The following MKLN1 variants were observed in gnomAD, a reference collection of about 807,000 sequenced individuals.
MKLN1 encodes the protein muskelin.
MKLN1 carries 18 observed loss-of-function variants against 99.0 expected under a neutral mutation model. The ratio of observed to expected loss-of-function variants is 0.18; its 90% confidence interval spans 0.13 to 0.27. The LOEUF (loss-of-function observed/expected upper bound fraction) is 0.27, where lower values mean the gene tolerates loss of function less well. MKLN1 is among the 10% of genes least tolerant of loss of function. The pLI, the probability that MKLN1 is intolerant of heterozygous loss-of-function variation, is 1.00. For synonymous variants in MKLN1, 288 were observed against 293.2 expected, an observed-to-expected ratio of 0.98 and a Z score of 0.18; for missense variants, 621 against 875.9, an observed-to-expected ratio of 0.71 and a Z score of 3.67.
chr7:131,127,753 GC>G (rs1197337125), intron 1 of MKLN1, among the ~76,000 whole-genome samples: 3 of 152,158 alleles, frequency 2.0e-5, no homozygotes, highest in Non-Finnish European at 4.4e-5. Flanking sequence ...TTGACTTAAA[GC>G]CCTGGTGCTC....
At chr7:131,425,703 G>A (rs1408544133) in intron 8 of MKLN1, among the ~76,000 whole-genome samples, 1 of 152,112 alleles carries the variant, frequency 6.6e-6, no homozygotes, top group Non-Finnish European at 1.5e-5. Context: ...TCCTTGAAGA[G>A]GATCGTACTA....
chr7:131,479,888 G>A (rs1474547760), intron 17 of MKLN1, among the ~76,000 whole-genome samples: 1 of 150,962 alleles, frequency 6.6e-6, no homozygotes, highest in Non-Finnish European at 1.5e-5. Context: ...GCCGGGCACG[G>A]TGGCTCACGC....
intron 3 of MKLN1, among the ~76,000 whole-genome samples, chr7:131,318,385 A>C (rs1798709987): frequency 6.6e-6 from 1 of 152,200 alleles, no homozygotes; most frequent in Non-Finnish European, 1.5e-5. Flanking sequence ...TAAGGCAGAT[A>C]AAGAAGTTCT....
Position 131,267,545 on chromosome 7 carries a change from G to A in MKLN1, c.-179+64571G>A, listed in dbSNP as rs553679139. ...AAGCTATCTAGCATTTACTAGAACTGTGGTCCCAGGCCCCTGCTAAACTTC... is the reference window on the plus strand; with the variant it reads ...AAGCTATCTAGCATTTACTAGAACTATGGTCCCAGGCCCCTGCTAAACTTC... On this transcript the variant is annotated intron_variant, in intron 3 of 7. Coordinates refer to the MKLN1 transcript ENST00000416992. 2.2e-3 allele frequency among the ~76,000 whole-genome samples: 335 copies of A among 152,174 alleles called. 3 individuals are homozygous for A. Among genetic ancestry groups the A allele is most frequent in the African/African-American group, 7.5e-3 (313 of 41,518 alleles).
At chr7:131,110,178 GC>G (rs1265349109) in exon 1 of MKLN1, 1 of 169,026 alleles carries the variant, frequency 5.9e-6, no homozygotes. Flanking sequence ...GGCTCCGCTA[GC>G]CCGGGGGGCC....
chr7:131,117,482 TAAA>T (rs1206150929), intron 1 of MKLN1, among the ~76,000 whole-genome samples: 1 of 149,672 alleles, frequency 6.7e-6, no homozygotes, highest in African/African-American at 2.5e-5. Flanking sequence ...AAAGAAAAAA[TAAA>T]AAACAGGTGA....
At chr7:131,236,804 G>A (rs1797328316) in intron 3 of MKLN1, among the ~76,000 whole-genome samples, 1 of 151,868 alleles carries the variant, frequency 6.6e-6, no homozygotes, top group Non-Finnish European at 1.5e-5. Flanking sequence ...GGGCAACATA[G>A]CAAGTCCCTG....
chr7:131,185,466 A>G (rs1796436391), intron 2 of MKLN1, among the ~76,000 whole-genome samples: 1 of 152,158 alleles, frequency 6.6e-6, no homozygotes, highest in South Asian at 2.1e-4. Flanking sequence ...ACATGCCTGT[A>G]ATCCCAGCTA....
intron 8 of MKLN1, among the ~76,000 whole-genome samples, chr7:131,424,188 TTAAAGA>T (rs199928652): frequency 0.021 from 3,267 of 152,304 alleles, 53 homozygotes; most frequent in Middle Eastern, 0.041. Flanking sequence ...TATTTCTATC[TTAAAGA>T]TAAATTTGTT....
intron 2 of MKLN1, among the ~76,000 whole-genome samples, chr7:131,377,718 C>CAA (rs1234593113): frequency 1.1e-4 from 16 of 152,184 alleles, no homozygotes; most frequent in African/African-American, 3.6e-4. Context: ...TTTGCTTATT[C>CAA]ATTCATTAAA....
intron 2 of MKLN1, among the ~76,000 whole-genome samples, chr7:131,376,383 C>G (rs1358645980): frequency 6.8e-6 from 1 of 147,416 alleles, no homozygotes; most frequent in African/African-American, 2.5e-5. Context: ...GTGGCTCATG[C>G]GTGTAATCCC....
At chr7:131,447,123 C>A (rs529469114) in intron 12 of MKLN1, among the ~76,000 whole-genome samples, 10 of 152,308 alleles carry the variant, frequency 6.6e-5, no homozygotes, top group African/African-American at 2.4e-4. Context: ...TGCAGAACTA[C>A]AGCCAGTTTA....
chr7:131,339,841 A>G (rs1158528453), intron 1 of MKLN1, among the ~76,000 whole-genome samples: 2 of 152,134 alleles, frequency 1.3e-5, no homozygotes, highest in Non-Finnish European at 2.9e-5. Flanking sequence ...TAGAAGGAAG[A>G]TAATTGGGTT....
intron 2 of MKLN1, 74 bp downstream of exon 2, chr7:131,375,567 C>T: frequency 1.2e-6 from 1 of 842,812 alleles, no homozygotes; most frequent in Admixed American, 1.8e-5. Context: ...TACTAGTTAT[C>T]TGGAATCTAC....
intron 1 of MKLN1, among the ~76,000 whole-genome samples, chr7:131,110,696 GGAA>G (rs1045439454): frequency 3.3e-4 from 51 of 152,306 alleles, no homozygotes; most frequent in African/African-American, 1.2e-3. Context: ...ACAATCAATA[GGAA>G]GAAGAACTTC....
At chr7:131,216,653 A>G (rs1436128769) in intron 3 of MKLN1, among the ~76,000 whole-genome samples, 2 of 152,168 alleles carry the variant, frequency 1.3e-5, no homozygotes, top group African/African-American at 4.8e-5. Context: ...AGTAATTATC[A>G]CCAAACACAA....
At chr7:131,391,021 C>T (rs1436216800) in intron 4 of MKLN1, among the ~76,000 whole-genome samples, 1 of 151,930 alleles carries the variant, frequency 6.6e-6, no homozygotes, top group Non-Finnish European at 1.5e-5. Context: ...TAATACCGGT[C>T]AGCAGTGTAT....
intron 3 of MKLN1, among the ~76,000 whole-genome samples, chr7:131,316,772 T>C (rs1222239747): frequency 6.6e-6 from 1 of 152,138 alleles, no homozygotes; most frequent in Non-Finnish European, 1.5e-5. Flanking sequence ...AATGACCTGA[T>C]GGAGCTGAAA....
At chr7:131,474,162 T>C (rs1390174533) in intron 16 of MKLN1, among the ~76,000 whole-genome samples, 3 of 152,086 alleles carry the variant, frequency 2.0e-5, no homozygotes, top group Non-Finnish European at 2.9e-5. Flanking sequence ...CCCAAAGTAA[T>C]AGTAGAGCAG....
Sources: allele counts gnomAD v4.1 joint callset (sites outside exome capture counted in the v4.1 genomes callset), GRCh38; gene constraint gnomAD v4.1.1; transcripts MANE v1.5; gene names NCBI Gene and HGNC (gene_info 2026-07-23, HGNC 2026-07-21).